ZFHX3: variants seen among roughly 807,000 people sequenced by gnomAD.
ZFHX3 encodes the protein zinc finger homeobox protein 3.
A neutral mutation model predicts 279.1 loss-of-function variants in ZFHX3; 42 were observed. That is an observed-to-expected ratio of 0.15 (90% confidence interval 0.12 to 0.19). ZFHX3 has a LOEUF of 0.19. Ranked by LOEUF, ZFHX3 falls within the 10% of genes least tolerant of loss-of-function variation. The pLI is 1.00. For missense variants in ZFHX3, 4,981 were observed against 4,754.0 expected, an observed-to-expected ratio of 1.05 and a Z score of -1.40; for synonymous variants, 2,293 against 1,957.8, an observed-to-expected ratio of 1.17 and a Z score of -4.52.
At chr16:73,798,386 A>G (rs1346406512) in intron 1 of ZFHX3, among the ~76,000 whole-genome samples, 2 of 152,040 alleles carry the variant, frequency 1.3e-5, no homozygotes, top group Non-Finnish European at 2.9e-5. Flanking sequence ...GGGGTAGCTA[A>G]GCTGAAATGC....
intron 4 of ZFHX3, among the ~76,000 whole-genome samples, chr16:73,317,744 C>T (rs907221075): frequency 6.6e-6 from 1 of 152,058 alleles, no homozygotes; most frequent in Non-Finnish European, 1.5e-5. Context: ...CATCAAACGG[C>T]GGCCAGTAAA....
At chr16:73,231,143 C>A (rs960726951) in intron 5 of ZFHX3, among the ~76,000 whole-genome samples, 6 of 152,164 alleles carry the variant, frequency 3.9e-5, no homozygotes, top group African/African-American at 7.2e-5. Flanking sequence ...AGCTGGAAGG[C>A]TTTTCTGAAA....
In ZFHX3 at chr16:72,886,681, C is replaced by G. The variant is rs944625702; in HGVS notation, c.3448+3050G>C. 1.4e-4 allele frequency among the ~76,000 whole-genome samples: 22 copies of G among 152,180 alleles called. No individual in the cohort carries two copies. The Middle Eastern group carries it at 9.5e-3, about 66-fold the overall frequency. On this transcript the variant is annotated intron_variant, in intron 4 of 9. Coordinates refer to ENST00000268489, the MANE Select transcript of ZFHX3 (RefSeq NM_006885.4). Reference sequence around the variant, plus strand: ...CCAAAAAAACACCCCAAACAAAGCACAAACCCTGAGCAAGAAACAGGTCTA... The same window carrying G: ...CCAAAAAAACACCCCAAACAAAGCAGAAACCCTGAGCAAGAAACAGGTCTA...
chr16:73,449,138 G>T (rs1264024111), intron 3 of ZFHX3, among the ~76,000 whole-genome samples: 2 of 152,206 alleles, frequency 1.3e-5, no homozygotes, highest in Admixed American at 1.3e-4. Context: ...ACAGTATCCA[G>T]TACTGTGAGA....
At chr16:73,201,272 C>G (rs1166577212) in intron 5 of ZFHX3, among the ~76,000 whole-genome samples, 1 of 152,140 alleles carries the variant, frequency 6.6e-6, no homozygotes, top group South Asian at 2.1e-4. Context: ...ATGCCAATAG[C>G]CCACCTGGAA....
At chr16:72,982,524 G>A (rs569382815) in intron 1 of ZFHX3, among the ~76,000 whole-genome samples, 29 of 152,280 alleles carry the variant, frequency 1.9e-4, no homozygotes, top group Non-Finnish European at 3.7e-4. Flanking sequence ...ATCTAAATAC[G>A]AGAAAAAGAT....
At chr16:73,061,474 A>G (rs1965683532), upstream of ZFHX3, 1 of 149,034 alleles carries the variant, frequency 6.7e-6, no homozygotes. Context: ...TAGCCATTGT[A>G]TATTTTTACC....
At chr16:73,292,410 G>T (rs1253771951) in intron 4 of ZFHX3, among the ~76,000 whole-genome samples, 1 of 152,180 alleles carries the variant, frequency 6.6e-6, no homozygotes, top group Non-Finnish European at 1.5e-5. Context: ...GCATTCTGTG[G>T]CTTTAACTTC....
rs386385051 is a variant in ZFHX3, at chr16:73,214,843, C to CTTTTTTT, written c.-1104+42197_-1104+42203dup. ...ATTACTCCATTGAAATGCTGAAGGC[C>CTTTTTTT]TTTTTTTTTTTTTTTTTTTTTTTTT... On this transcript the variant is annotated intron_variant, in intron 5 of 17. Transcript: ENST00000641206. Among the ~76,000 whole-genome samples, 119 of 79,260 alleles carry CTTTTTTT rather than the reference C, an allele frequency of 1.5e-3. 1 individual carries two copies. The highest frequency in any genetic ancestry group is 3.1e-3 in the African/African-American group (62 of 19,714). 52.0% of individuals were successfully genotyped at this position (79,260 alleles called of 152,430 possible).
intron 5 of ZFHX3, among the ~76,000 whole-genome samples, chr16:73,246,166 T>C (rs1413817551): frequency 1.3e-5 from 2 of 152,062 alleles, no homozygotes; most frequent in Non-Finnish European, 2.9e-5. Context: ...GGCAGTTACA[T>C]GTCTGTTGAT....
At chr16:73,127,380 C>T (rs1966587278) in intron 7 of ZFHX3, 9 of 1,305,434 alleles carry the variant, frequency 6.9e-6, no homozygotes, top group Non-Finnish European at 9.1e-6. Flanking sequence ...TGAATGGCTG[C>T]TAACTAAATA....
In ZFHX3 at chr16:73,483,353, G is replaced by GAA. The variant is rs754861377; in HGVS notation, c.-1546-27096_-1546-27095insTT. 1.6e-4 allele frequency: 55 copies of GAA among 337,808 alleles called. No individual in the cohort carries two copies. In the East Asian group the frequency reaches 4.1e-3, roughly 25 times the overall value. 20.9% of individuals were successfully genotyped at this position (337,808 alleles called of 1,614,324 possible). A position where few individuals can be genotyped will look rare whatever the true frequency, so the allele number is the denominator to read the frequency against. Reference sequence around the variant, plus strand: ...AGTGAGAGACAGAGAGAGAGAGAAAGAGAGAGAGAGAGAGAGTTCCTCAAG... The same window carrying GAA: ...AGTGAGAGACAGAGAGAGAGAGAAAGAAAGAGAGAGAGAGAGAGTTCCTCAAG... On this transcript the variant is annotated intron_variant, in intron 2 of 17. Coordinates refer to the ZFHX3 transcript ENST00000641206.
intron 4 of ZFHX3, chr16:73,318,136 T>C (rs1229011770): frequency 6.6e-6 from 1 of 152,168 alleles, no homozygotes; most frequent in African/African-American, 2.4e-5. Context: ...GTAATGCCAG[T>C]GAGTTGTTTT....
chr16:73,498,814 C>A (rs2019186284), intron 2 of ZFHX3, among the ~76,000 whole-genome samples: 1 of 152,120 alleles, frequency 6.6e-6, no homozygotes, highest in Non-Finnish European at 1.5e-5. Flanking sequence ...CCTGGGGCAA[C>A]TACTAAAAAG....
intron 5 of ZFHX3, among the ~76,000 whole-genome samples, chr16:73,145,003 A>G (rs1266783468): frequency 2.6e-5 from 4 of 152,214 alleles, no homozygotes; most frequent in Admixed American, 6.5e-5. Flanking sequence ...TTTGTAAGCC[A>G]TATTTTGACA....
At chr16:73,886,961 T>C (rs1785881813) in intron 1 of ZFHX3, among the ~76,000 whole-genome samples, 2 of 152,152 alleles carry the variant, frequency 1.3e-5, no homozygotes, top group African/African-American at 4.8e-5. Context: ...AATAAGCCCT[T>C]AGGTGATGAG....
At chr16:73,063,140 C>T (rs1283876790), upstream of ZFHX3, among the ~76,000 whole-genome samples, 2 of 152,194 alleles carry the variant, frequency 1.3e-5, no homozygotes, top group Non-Finnish European at 2.9e-5. Flanking sequence ...GGGCTGCTCG[C>T]AGTGCCGGGG....
chr16:72,985,166 C>G (rs564928582), intron 1 of ZFHX3, among the ~76,000 whole-genome samples: 1 of 152,254 alleles, frequency 6.6e-6, no homozygotes, highest in East Asian at 1.9e-4. Flanking sequence ...TCCAGCTGCT[C>G]TCCTAAACTG....
chr16:73,453,148 T>C (rs1196957208), intron 3 of ZFHX3, among the ~76,000 whole-genome samples: 2 of 152,026 alleles, frequency 1.3e-5, no homozygotes, highest in Non-Finnish European at 2.9e-5. Flanking sequence ...CCATTTGTAA[T>C]AGGTACAATA....
Sources: allele counts gnomAD v4.1 joint callset (sites outside exome capture counted in the v4.1 genomes callset), GRCh38; gene constraint gnomAD v4.1.1; transcripts MANE v1.5; gene names NCBI Gene and HGNC (gene_info 2026-07-23, HGNC 2026-07-21).